Variants in N4BP1 observed in about 807,000 individuals in gnomAD.
N4BP1 encodes the protein NEDD4-binding protein 1.
Under a neutral mutation model 70.9 loss-of-function variants are expected in N4BP1, and 21 were observed. The ratio of observed to expected loss-of-function variants is 0.30; its 90% confidence interval spans 0.21 to 0.43. The LOEUF (loss-of-function observed/expected upper bound fraction) is 0.43. N4BP1 is among the 20% of genes least tolerant of loss of function. The probability of loss-of-function intolerance (pLI) is 1.00; values close to 1 mark genes in which losing one functional copy is unlikely to be tolerated. For missense variants in N4BP1, 936 were observed against 1,069.4 expected (o/e 0.88, Z 1.74); for synonymous variants, 387 against 394.6 (o/e 0.98, Z 0.23).
intron 1 of N4BP1, among the ~76,000 whole-genome samples, chr16:48,603,908 G>A (rs1180262754): frequency 6.6e-6 from 1 of 152,092 alleles, no homozygotes; most frequent in East Asian, 1.9e-4. Flanking sequence ...GAACAAGGCT[G>A]ACCTCTTCAG....
At chr16:48,545,016 G>C (rs113984423) in intron 6 of N4BP1, among the ~76,000 whole-genome samples, 3 of 152,188 alleles carry the variant, frequency 2.0e-5, no homozygotes, top group African/African-American at 7.2e-5. Flanking sequence ...CCAGGCTGGA[G>C]TGTAGTGGCA....
intron 1 of N4BP1, among the ~76,000 whole-genome samples, chr16:48,564,364 C>T (rs977254641): frequency 4.6e-5 from 7 of 152,162 alleles, no homozygotes; most frequent in African/African-American, 1.7e-4. Context: ...TGAGGGTTAG[C>T]TTGAGCTTCA....
intron 2 of N4BP1, among the ~76,000 whole-genome samples, chr16:48,558,024 T>A (rs1963781867): frequency 6.6e-6 from 1 of 152,148 alleles, no homozygotes; most frequent in Non-Finnish European, 1.5e-5. Context: ...TTCAATGGCA[T>A]TTACTACGTT....
intron 1 of N4BP1, chr16:48,600,220 T>C (rs1294152299): frequency 1.1e-5 from 8 of 761,188 alleles, no homozygotes; most frequent in African/African-American, 1.7e-5. Context: ...CACGGCATGA[T>C]GTTCATCCGC....
At chr16:48,558,380 A>G (rs1963789005) in intron 2 of N4BP1, among the ~76,000 whole-genome samples, 1 of 151,998 alleles carries the variant, frequency 6.6e-6, no homozygotes, top group Admixed American at 6.6e-5. Context: ...AAGAGATGAT[A>G]CTGTACTCAG....
intron 1 of N4BP1, among the ~76,000 whole-genome samples, chr16:48,564,292 T>C (rs1420426840): frequency 6.6e-6 from 1 of 152,260 alleles, no homozygotes; most frequent in East Asian, 1.9e-4. Flanking sequence ...CTCTCCAATG[T>C]TATCGTCTAA....
chr16:48,557,701 G>C (rs562692661), intron 2 of N4BP1, among the ~76,000 whole-genome samples: 3 of 152,130 alleles, frequency 2.0e-5, no homozygotes, highest in Non-Finnish European at 4.4e-5. Flanking sequence ...TCAGCTACTA[G>C]GAAAGATTGC....
At chr16:48,574,909 T>C (rs1964070130) in intron 1 of N4BP1, among the ~76,000 whole-genome samples, 1 of 152,200 alleles carries the variant, frequency 6.6e-6, no homozygotes, top group Non-Finnish European at 1.5e-5. Flanking sequence ...GTGGAAGTAC[T>C]GGCAAGACTG....
At chr16:48,560,092 A>G (rs1247625142) in intron 2 of N4BP1, among the ~76,000 whole-genome samples, 2 of 131,530 alleles carry the variant, frequency 1.5e-5, no homozygotes, top group Non-Finnish European at 3.2e-5. Flanking sequence ...ACGATCTTAA[A>G]CTGCCCCTTA....
At chr16:48,608,111 GTAAA>G (rs1435913066) in intron 1 of N4BP1, among the ~76,000 whole-genome samples, 1 of 152,144 alleles carries the variant, frequency 6.6e-6, no homozygotes, top group African/African-American at 2.4e-5. Context: ...AAAAAAATAG[GTAAA>G]TAAACATACA....
At chr16:48,595,527 A>G (rs755293652) in intron 1 of N4BP1, among the ~76,000 whole-genome samples, 1 of 151,998 alleles carries the variant, frequency 6.6e-6, no homozygotes, top group Non-Finnish European at 1.5e-5. Flanking sequence ...ACAACTCAGT[A>G]AAGTACATTC....
chr16:48,548,019 A>G lies in N4BP1; in HGVS notation c.2213T>C (p.Ile738Thr). 1 of 1,573,402 alleles carries G rather than the reference A, an allele frequency of 6.4e-7. No homozygotes were observed. Among genetic ancestry groups the G allele is most frequent in the Non-Finnish European group, 8.7e-7 (1 of 1,147,206 alleles). Reference sequence around the variant, plus strand: ...AAGAAAATATTACCTTTTTGTAATAATTTCTCTCCAAGAGACTGACTCATT... The same window carrying G: ...AAGAAAATATTACCTTTTTGTAATAGTTTCTCTCCAAGAGACTGACTCATT... The part of the protein sequence containing the change: ...FVNESVSWRE[I>T]ITKRLLQYTF... Residue 738 changes from isoleucine (I) to threonine (T), a missense_variant, in exon 5 of 7, where the codon ATT (isoleucine) becomes ACT (threonine). Around this residue, in one of 4 missense-constraint regions of N4BP1, gnomAD observed 229 missense variants for 343.5 expected, o/e 0.67. Coordinates refer to ENST00000262384, the MANE Select transcript of N4BP1 (RefSeq NM_153029.4).
chr16:48,557,823 T>C (rs1963777980), intron 2 of N4BP1, among the ~76,000 whole-genome samples: 1 of 152,192 alleles, frequency 6.6e-6, no homozygotes, highest in Non-Finnish European at 1.5e-5. Context: ...ACTGAGCTCC[T>C]ACTATGTGTC....
At position 48,575,057 on chromosome 16, in the gene N4BP1, A is replaced by AT. The variant is rs1170820736; in HGVS notation, c.199-12614dup. On this transcript the variant is annotated intron_variant, in intron 1 of 6. Transcript: ENST00000262384. ...ATGACTGCTTCACATGCACAAACCC[A>AT]TTTTTTTTGGTGTCCCCAAAACAAT... 5.3e-5 allele frequency among the ~76,000 whole-genome samples: 8 copies of AT among 152,056 alleles called. No individual in the cohort carries two copies. In the East Asian group the frequency reaches 5.8e-4, roughly 11 times the overall value.
At chr16:48,565,357 T>C (rs2096131752) in intron 1 of N4BP1, among the ~76,000 whole-genome samples, 2 of 152,164 alleles carry the variant, frequency 1.3e-5, no homozygotes. Context: ...TGAATATGGA[T>C]GGGTGTTGAA....
chr16:48,585,924 G>A (rs1483028648), intron 1 of N4BP1, among the ~76,000 whole-genome samples: 1 of 152,042 alleles, frequency 6.6e-6, no homozygotes, highest in African/African-American at 2.4e-5. Context: ...TCCAACTCCT[G>A]ATCTCAAGTG....
rs1473465759 is a variant in N4BP1 at position 48,584,811 on chromosome 16, T to C, written c.199-22367A>G. Among the ~76,000 whole-genome samples, 3 of 152,164 alleles carry C rather than the reference T, an allele frequency of 2.0e-5. No homozygotes were observed. In the East Asian group the frequency reaches 5.8e-4, roughly 29 times the overall value. On this transcript the variant is annotated intron_variant, in intron 1 of 6. Coordinates refer to ENST00000262384, the MANE Select transcript of N4BP1 (RefSeq NM_153029.4). ...GAAACCAATAGGTCAAAAACACTGTTAAGAATCCAAATTTGTGTAATCAAA... is the reference window on the plus strand; with the variant it reads ...GAAACCAATAGGTCAAAAACACTGTCAAGAATCCAAATTTGTGTAATCAAA...
intron 4 of N4BP1, among the ~76,000 whole-genome samples, chr16:48,550,730 C>T (rs146610658): frequency 2.6e-5 from 4 of 151,864 alleles, no homozygotes; most frequent in African/African-American, 4.8e-5. Flanking sequence ...ATGGAAAAAC[C>T]CCGTCTCACT....
At chr16:48,571,161 A>AT (rs1206329666) in intron 1 of N4BP1, among the ~76,000 whole-genome samples, 1 of 152,216 alleles carries the variant, frequency 6.6e-6, no homozygotes, top group Non-Finnish European at 1.5e-5. Flanking sequence ...CCCATCCAAC[A>AT]TGAGTAAGTG....
Sources: gnomAD v4.1 joint callset for allele counts (sites outside exome capture counted in the v4.1 genomes callset) on GRCh38, gnomAD v4.1.1 for gene constraint, gnomAD v4.1.1 regional missense constraint, MANE v1.5 for transcripts, NCBI Gene and HGNC (gene_info 2026-07-23, HGNC 2026-07-21) for gene names.